The following ADGRD2 variants were observed in gnomAD, a reference collection of about 807,000 sequenced individuals.
The protein encoded by ADGRD2 is G protein-coupled receptor PGR24.
In ADGRD2, 71 loss-of-function variants were observed where a neutral mutation model predicts 44.4. The observed-to-expected ratio is 1.60, with a 90% CI of 1.32 to 1.95. ADGRD2 has a LOEUF of 1.95. Among genes scored for constraint, ADGRD2 ranks in the 30% most tolerant of loss-of-function variants. The probability of loss-of-function intolerance (pLI) is 0.00; values close to 1 mark genes in which losing one functional copy is unlikely to be tolerated. For synonymous variants in ADGRD2, 481 were observed against 224.8 expected (o/e 2.14, Z -10.19); for missense variants, 1,039 against 512.4 (o/e 2.03, Z -9.92).
Position 124,457,458 on chromosome 9 carries a change from C to A in ADGRD2, c.1506-14C>A. ...CACTCCGAGGTCCAGCCACCCAGCCCCATTTACCCCCAGGCCTGGAGGTGC... is the reference window on the plus strand; with the variant it reads ...CACTCCGAGGTCCAGCCACCCAGCCACATTTACCCCCAGGCCTGGAGGTGC... On this transcript the variant is annotated splice_polypyrimidine_tract_variant and intron_variant, in intron 7 of 21. Coordinates refer to ENST00000334810, the Ensembl canonical transcript of ADGRD2. The A allele has an allele frequency of 3.4e-6, 2 of 589,774 alleles. No homozygotes were observed. Among genetic ancestry groups the A allele is most frequent in the South Asian group, 2.0e-5 (1 of 48,804 alleles). The allele number at this position is 589,774 out of a possible 1,614,324, so 36.5% of individuals were successfully genotyped here. A position where few individuals can be genotyped will look rare whatever the true frequency, so the allele number is the denominator to read the frequency against.
chr9:124,466,445 G>A, intron 11 of ADGRD2, 32 bp downstream of exon 14: 1 of 650,766 alleles, frequency 1.5e-6, no homozygotes, highest in Non-Finnish European at 2.9e-6. Flanking sequence ...GGTGTCAGGA[G>A]GGGGCTTCTT....
At chr9:124,459,220 G>A (rs533323514) in intron 10 of ADGRD2, among the ~76,000 whole-genome samples, 8 of 152,306 alleles carry the variant, frequency 5.3e-5, no homozygotes, top group South Asian at 2.1e-4. Flanking sequence ...GTCCGGGCAC[G>A]GTGGCTTACG....
At chr9:124,467,453 G>C (rs1439169123) in intron 11 of ADGRD2, 3 of 461,530 alleles carry the variant, frequency 6.5e-6, no homozygotes, top group Non-Finnish European at 1.2e-5. Context: ...CCCTCCCCGT[G>C]GGCACGTTTG....
Position 124,454,159 on chromosome 9 carries a change from C to G in ADGRD2, c.1022+62C>G, listed in dbSNP as rs186378488. 1.6e-6 allele frequency: 1 copy of G among 618,948 alleles called. No individual in the cohort carries two copies. Among genetic ancestry groups the G allele is most frequent in the Admixed American group, 2.9e-5 (1 of 34,724 alleles). The allele number at this position is 618,948 out of a possible 1,614,324, so 38.3% of individuals were successfully genotyped here. A position where few individuals can be genotyped will look rare whatever the true frequency, so the allele number is the denominator to read the frequency against. ...GAAAGCCGGTGTGGACCGGAGTAGA[C>G]TGAGAGGGGGTGAGCTGCTGGCAAA... On this transcript the variant is annotated intron_variant, in intron 4 of 21. Coordinates refer to ENST00000334810, the Ensembl canonical transcript of ADGRD2. This position sits in a 1 kb window ranked among gnomAD's most constrained non-coding sequence, Gnocchi z 4.5.
intron 10 of ADGRD2, among the ~76,000 whole-genome samples, chr9:124,464,804 G>A (rs988890955): frequency 2.4e-5 from 2 of 83,958 alleles, no homozygotes; most frequent in Non-Finnish European, 4.5e-5. Context: ...CACATGCTGT[G>A]TGTGTACGTG....
chr9:124,463,528 T>C (rs925118212), intron 10 of ADGRD2, among the ~76,000 whole-genome samples: 10 of 152,244 alleles, frequency 6.6e-5, no homozygotes, highest in African/African-American at 1.9e-4. Context: ...TGTCCTCCTC[T>C]GTGAATGTTT....
At chr9:124,473,897 A>C (rs1438450555) in intron 17 of ADGRD2, among the ~76,000 whole-genome samples, 1 of 145,566 alleles carries the variant, frequency 6.9e-6, no homozygotes. Flanking sequence ...AATGGTGGGG[A>C]GACATGAGGG....
intron 10 of ADGRD2, among the ~76,000 whole-genome samples, chr9:124,463,675 G>T (rs547422781): frequency 6.6e-6 from 1 of 152,058 alleles, no homozygotes; most frequent in Non-Finnish European, 1.5e-5. Flanking sequence ...GGTAATTTGC[G>T]CCTTTCAAAG....
intron 11 of ADGRD2, chr9:124,467,372 C>T (rs978311392): frequency 1.5e-5 from 3 of 198,308 alleles, no homozygotes; most frequent in East Asian, 1.2e-4. Context: ...AAAGTCAGAG[C>T]GTGGACACTT....
exon 12 of ADGRD2, chr9:124,467,773 G>A (rs958981564): frequency 2.4e-5 from 17 of 718,436 alleles, no homozygotes; most frequent in Admixed American, 6.0e-5. Flanking sequence ...GTGGGCTGTG[G>A]CGTGTCCTTC....
intron 17 of ADGRD2, among the ~76,000 whole-genome samples, chr9:124,473,613 C>A (rs1378710782): frequency 3.3e-5 from 5 of 152,252 alleles, no homozygotes; most frequent in Non-Finnish European, 1.5e-5. Flanking sequence ...GGCTGGCCTG[C>A]ACGCTGGGGG....
At chr9:124,460,388 A>ATTTTTTT in intron 10 of ADGRD2, among the ~76,000 whole-genome samples, 1 of 145,224 alleles carries the variant, frequency 6.9e-6, no homozygotes, top group South Asian at 2.2e-4. Flanking sequence ...ATATATATAT[A>ATTTTTTT]TTTTTTTTTA....
At chr9:124,450,823 G>A (rs183888460), upstream of ADGRD2, among the ~76,000 whole-genome samples, 7 of 152,362 alleles carry the variant, frequency 4.6e-5, no homozygotes, top group East Asian at 1.2e-3. Context: ...AATGATCACT[G>A]GTGATGGCTC....
intron 17 of ADGRD2, among the ~76,000 whole-genome samples, chr9:124,474,041 C>G (rs572575256): frequency 6.6e-6 from 1 of 151,932 alleles, no homozygotes; most frequent in East Asian, 1.9e-4. Context: ...TTTGGGAGGC[C>G]GAGGCGGGTG....
At position 124,468,367 on chromosome 9, in the gene ADGRD2, C is replaced by T. The variant is rs12004552; in HGVS notation, c.2234-152C>T. Among the ~76,000 whole-genome samples, 580 of 152,324 alleles carry T rather than the reference C, an allele frequency of 3.8e-3. 3 individuals carry two copies. Among genetic ancestry groups the T allele is most frequent in the Middle Eastern group, 0.014 (4 of 294 alleles). ...GAAAGGGCCCTGGGAGGAAAGGCCCCGAATGGTGGAGCGGGGCCCAGGCTG... is the reference window on the plus strand; with the variant it reads ...GAAAGGGCCCTGGGAGGAAAGGCCCTGAATGGTGGAGCGGGGCCCAGGCTG... On this transcript the variant is annotated intron_variant, in intron 13 of 21. Transcript: ENST00000334810.
Position 124,454,226 on chromosome 9 carries a change from T to C in ADGRD2, c.1022+129T>C, listed in dbSNP as rs1192672897. ...TAAACTCAGAGCTTCAAGGTCTCCA[T>C]GGAGTCTAGGCCACAGAGCAGTGGG... On this transcript the variant is annotated intron_variant, in intron 4 of 21. Coordinates refer to ENST00000334810, the Ensembl canonical transcript of ADGRD2. This position sits in a 1 kb window ranked among gnomAD's most constrained non-coding sequence, Gnocchi z 4.5. 2.2e-5 allele frequency: 13 copies of C among 598,634 alleles called. No homozygotes were observed. Among genetic ancestry groups the C allele is most frequent in the Admixed American group, 5.9e-5 (2 of 33,820 alleles). 37.1% of individuals were successfully genotyped at this position (598,634 alleles called of 1,614,324 possible). A position where few individuals can be genotyped will look rare whatever the true frequency, so the allele number is the denominator to read the frequency against.
chr9:124,476,832 C>A lies in ADGRD2; in HGVS notation c.*18+123C>A, dbSNP rs1832057480. On this transcript the variant is annotated intron_variant, in intron 21 of 21. Coordinates refer to ENST00000334810, the Ensembl canonical transcript of ADGRD2. ...GCCCAACCTCCCGCAATTGCAGAGG[C>A]CCTCCCCTCACTCCACAGGTCCCCT... 5.9e-6 allele frequency: 4 copies of A among 679,956 alleles called. No individual in the cohort carries two copies. In the Admixed American group the frequency reaches 6.2e-5, roughly 11 times the overall value. The allele number at this position is 679,956 out of a possible 1,614,324, so 42.1% of individuals were successfully genotyped here.
rs934636860 is a variant in ADGRD2 at position 124,454,293 on chromosome 9, G to C, written c.1023-191G>C. Among the ~76,000 whole-genome samples the C allele has an allele frequency of 6.6e-6, 1 of 152,196 alleles. No homozygotes were observed. Among genetic ancestry groups the C allele is most frequent in the African/African-American group, 2.4e-5 (1 of 41,454 alleles). On this transcript the variant is annotated intron_variant, in intron 4 of 21. Coordinates refer to ENST00000334810, the Ensembl canonical transcript of ADGRD2. This position sits in a 1 kb window ranked among gnomAD's most constrained non-coding sequence, Gnocchi z 4.5. ...GGTGAATCGAAATTGTGTGACCTTG[G>C]GCAAGCTCTTTTGCCATTCTGTGCC...
At chr9:124,477,873 A>T (rs553128900) in intron 21 of ADGRD2, among the ~76,000 whole-genome samples, 41 of 151,578 alleles carry the variant, frequency 2.7e-4, no homozygotes, top group African/African-American at 9.7e-4. Context: ...TCTGCGCTCA[A>T]GTGACGGCGC....
Sources: allele counts gnomAD v4.1 joint callset (sites outside exome capture counted in the v4.1 genomes callset), GRCh38; gene constraint gnomAD v4.1.1; non-coding constraint Gnocchi (gnomAD v3.1); transcripts MANE v1.5; gene names NCBI Gene and HGNC (gene_info 2026-07-23, HGNC 2026-07-21).